Variants in RHOT1 observed in about 807,000 individuals in gnomAD.
RHOT1 encodes the protein mitochondrial Rho GTPase 1.
Under a neutral mutation model 95.3 loss-of-function variants are expected in RHOT1, and 27 were observed. The observed-to-expected ratio is 0.28, with a 90% CI of 0.21 to 0.39. The LOEUF (loss-of-function observed/expected upper bound fraction) is 0.39. Ranked by LOEUF, RHOT1 falls within the 10% of genes least tolerant of loss-of-function variation. The pLI is 1.00. For synonymous variants in RHOT1, 227 were observed against 263.5 expected, an observed-to-expected ratio of 0.86 and a Z score of 1.34; for missense variants, 578 against 786.7, an observed-to-expected ratio of 0.73 and a Z score of 3.17.
intron 6 of RHOT1, among the ~76,000 whole-genome samples, chr17:32,176,446 CAG>C (rs1443194568): frequency 1.3e-5 from 2 of 152,092 alleles, no homozygotes; most frequent in Admixed American, 6.6e-5. Context: ...AAGCAAGAAA[CAG>C]AACTCTGATA....
intron 18 of RHOT1, chr17:32,209,345 T>C (rs773103967): frequency 6.4e-6 from 10 of 1,560,154 alleles, no homozygotes; most frequent in Admixed American, 3.4e-5. Context: ...GTATGTTATC[T>C]ACAGAGAGGA....
intron 1 of RHOT1, among the ~76,000 whole-genome samples, chr17:32,148,532 C>T (rs935970061): frequency 6.6e-6 from 1 of 151,880 alleles, no homozygotes; most frequent in Non-Finnish European, 1.5e-5. Context: ...GATAGCTGAG[C>T]GATAGCTTTT....
intron 10 of RHOT1, 103 bp from the exon 11 acceptor site, chr17:32,193,884 A>G (rs2036677847): frequency 7.2e-7 from 1 of 1,385,496 alleles, no homozygotes; most frequent in African/African-American, 1.5e-5. Flanking sequence ...TACAATGCAA[A>G]GCTAGCATCC....
intron 1 of RHOT1, among the ~76,000 whole-genome samples, chr17:32,145,204 G>A (rs1452880845): frequency 6.6e-6 from 1 of 151,830 alleles, no homozygotes; most frequent in Non-Finnish European, 1.5e-5. Flanking sequence ...GGAGGCTAAG[G>A]CAGGAGAATG....
At chr17:32,193,511 CAAAA>C (rs1045430544) in intron 10 of RHOT1, among the ~76,000 whole-genome samples, 1 of 150,056 alleles carries the variant, frequency 6.7e-6, no homozygotes, top group Non-Finnish European at 1.5e-5. Context: ...ATATCTGGAA[CAAAA>C]AAAAAGTATC....
chr17:32,199,320 C>T (rs1012324140), intron 12 of RHOT1, 85 bp from the exon 13 acceptor site: 4 of 1,315,376 alleles, frequency 3.0e-6, no homozygotes, highest in Non-Finnish European at 3.2e-6. Context: ...TTTTAAAAAG[C>T]ATAGCTTTAC....
At chr17:32,218,070 C>G (rs1302488425) in intron 19 of RHOT1, among the ~76,000 whole-genome samples, 1 of 151,868 alleles carries the variant, frequency 6.6e-6, no homozygotes, top group Admixed American at 6.6e-5. Flanking sequence ...ACCATGTTGG[C>G]CAGGCTGATC....
chr17:32,190,225 G>A (rs767438446), intron 8 of RHOT1, among the ~76,000 whole-genome samples: 2 of 152,134 alleles, frequency 1.3e-5, no homozygotes, highest in Non-Finnish European at 2.9e-5. Flanking sequence ...GGGGGCCGAG[G>A]CAGGCAGATC....
At chr17:32,159,079 A>G (rs936638615) in intron 1 of RHOT1, among the ~76,000 whole-genome samples, 3 of 151,650 alleles carry the variant, frequency 2.0e-5, no homozygotes, top group Non-Finnish European at 4.4e-5. Context: ...TATGGCCTCA[A>G]CCTCTCCCCA....
chr17:32,173,139 A>C (rs574577558), intron 2 of RHOT1: 1 of 152,254 alleles, frequency 6.6e-6, no homozygotes, highest in African/African-American at 2.4e-5. Context: ...TTTTTATCCT[A>C]TAGTTTTAAT....
chr17:32,165,100 G>A (rs1294287460), intron 1 of RHOT1, among the ~76,000 whole-genome samples: 1 of 152,070 alleles, frequency 6.6e-6, no homozygotes, highest in Non-Finnish European at 1.5e-5. Flanking sequence ...CAGCACTTTG[G>A]GAGGCCAAGG....
At position 32,192,313 on chromosome 17, in the gene RHOT1, A is replaced by C; in HGVS notation, c.639+14A>C. On this transcript the variant is annotated intron_variant, in intron 9 of 19. Transcript: ENST00000545287. Reference sequence around the variant, plus strand: ...AACTTCTTTCAGGTAATGGTCCTTTATTTCAGACATTTGCGTATCTTTTTT... The same window carrying C: ...AACTTCTTTCAGGTAATGGTCCTTTCTTTCAGACATTTGCGTATCTTTTTT... 1.0e-6 allele frequency: 1 copy of C among 980,738 alleles called. No homozygotes were observed. The highest frequency in any genetic ancestry group is 2.9e-5 in the East Asian group (1 of 35,076). The allele number at this position is 980,738 out of a possible 1,614,324, so 60.8% of individuals were successfully genotyped here.
intron 1 of RHOT1, among the ~76,000 whole-genome samples, chr17:32,163,664 A>G (rs1011262347): frequency 6.6e-6 from 1 of 151,890 alleles, no homozygotes; most frequent in Middle Eastern, 3.4e-3. Flanking sequence ...TGGGAGGCAG[A>G]GGTTGCAGTG....
At chr17:32,193,071 AT>A in intron 9 of RHOT1, 64 bp from the exon 10 acceptor site, 1 of 946,904 alleles carries the variant, frequency 1.1e-6, no homozygotes, top group African/African-American at 1.7e-5. Flanking sequence ...GTAGATTATC[AT>A]TTTATATTAT....
At chr17:32,156,112 C>T (rs531397633) in intron 1 of RHOT1, among the ~76,000 whole-genome samples, 5 of 152,152 alleles carry the variant, frequency 3.3e-5, no homozygotes, top group East Asian at 1.9e-4. Flanking sequence ...CTGAAAATTC[C>T]GGGACCCAAC....
At chr17:32,142,902 C>T in intron 1 of RHOT1, 173 bp downstream of exon 1, 1 of 748,040 alleles carries the variant, frequency 1.3e-6, no homozygotes. Context: ...CTTCACTCTT[C>T]TCTTTTGGCT....
At chr17:32,176,773 G>A (rs1297925679) in intron 6 of RHOT1, among the ~76,000 whole-genome samples, 5 of 151,824 alleles carry the variant, frequency 3.3e-5, no homozygotes, top group East Asian at 1.9e-4. Flanking sequence ...GGTTTCGCAC[G>A]TTGGTCAGTC....
intron 8 of RHOT1, 39 bp from the exon 9 acceptor site, chr17:32,192,160 TCA>T: frequency 2.1e-6 from 2 of 959,414 alleles, no homozygotes; most frequent in Middle Eastern, 4.4e-4. Flanking sequence ...CTTATGAAAA[TCA>T]CAGTTTAAAC....
At chr17:32,203,738 A>C (rs1450677962) in intron 15 of RHOT1, 152 bp from the exon 16 acceptor site, 1 of 581,600 alleles carries the variant, frequency 1.7e-6, no homozygotes, top group East Asian at 3.2e-5. Context: ...AAGAAACATA[A>C]AATCAATATC....
Sources: allele counts gnomAD v4.1 joint callset (sites outside exome capture counted in the v4.1 genomes callset), GRCh38; gene constraint gnomAD v4.1.1; transcripts MANE v1.5; gene names NCBI Gene and HGNC (gene_info 2026-07-23, HGNC 2026-07-21).